The following ZMAT4 variants were observed in gnomAD, a reference collection of about 807,000 sequenced individuals.
ZMAT4 encodes the protein zinc finger matrin-type 4, also known as zinc finger matrin-type protein 4.
A neutral mutation model predicts 28.7 loss-of-function variants in ZMAT4; 17 were observed. The observed-to-expected ratio is 0.59, with a 90% CI of 0.41 to 0.89. The LOEUF (loss-of-function observed/expected upper bound fraction) is 0.89. Ranked by LOEUF, ZMAT4 falls within the 40% of genes least tolerant of loss-of-function variation. The pLI is 0.00. For synonymous variants in ZMAT4, 117 were observed against 109.2 expected, an observed-to-expected ratio of 1.07 and a Z score of -0.44; for missense variants, 240 against 283.8, an observed-to-expected ratio of 0.85 and a Z score of 1.11.
At position 40,801,857 on chromosome 8, in the gene ZMAT4, A is replaced by T. The variant is rs552198545; in HGVS notation, c.102+23718T>A. The stretch of plus-strand genomic sequence containing the variant: ...AAAATATTAGCAAATTAAATCCAAC[A>T]ATGTACAAAATAAAGGATACACCAC... On this transcript the variant is annotated intron_variant, in intron 2 of 6. Transcript: ENST00000297737. 3.3e-5 allele frequency among the ~76,000 whole-genome samples: 5 copies of T among 152,300 alleles called. No homozygotes were observed. The South Asian group carries it at 1.0e-3, about 32-fold the overall frequency.
intron 5 of ZMAT4, among the ~76,000 whole-genome samples, chr8:40,631,430 TTACAAACGTGAGCCACCGCACCAGGC>T (rs1378179944): frequency 1.3e-5 from 2 of 152,176 alleles, no homozygotes; most frequent in African/African-American, 4.8e-5. Context: ...GGTGCTGGGA[TTACAAACGTGAGCCACCGCACCAGGC>T]CAGAATTATC....
chr8:40,553,239 C>T (rs1374421298), intron 6 of ZMAT4, among the ~76,000 whole-genome samples: 1 of 152,160 alleles, frequency 6.6e-6, no homozygotes, highest in Non-Finnish European at 1.5e-5. Context: ...CCACTCAAAC[C>T]TTCAGATGAC....
chr8:40,636,463 C>CA (rs1806795374), intron 5 of ZMAT4, among the ~76,000 whole-genome samples: 1 of 152,200 alleles, frequency 6.6e-6, no homozygotes, highest in African/African-American at 2.4e-5. Flanking sequence ...ATAGCCTTTA[C>CA]AGTGGAGTTT....
intron 6 of ZMAT4, among the ~76,000 whole-genome samples, chr8:40,547,688 A>G (rs1287716386): frequency 1.3e-5 from 2 of 152,146 alleles, no homozygotes; most frequent in African/African-American, 4.8e-5. Flanking sequence ...TTGTTACCTT[A>G]CACATGCCAC....
chr8:40,540,114 G>A (rs1802980803), intron 6 of ZMAT4, among the ~76,000 whole-genome samples: 1 of 152,206 alleles, frequency 6.6e-6, no homozygotes. Flanking sequence ...AGGGAGTATT[G>A]TGTCTTGATA....
intron 5 of ZMAT4, among the ~76,000 whole-genome samples, chr8:40,659,258 G>A (rs553435829): frequency 1.4e-4 from 21 of 152,186 alleles, no homozygotes; most frequent in Middle Eastern, 3.4e-3. Flanking sequence ...ATTATGAAAC[G>A]GAAACGAGAT....
intron 3 of ZMAT4, among the ~76,000 whole-genome samples, chr8:40,730,833 T>C (rs1811505844): frequency 6.6e-6 from 1 of 152,190 alleles, no homozygotes; most frequent in African/African-American, 2.4e-5. Context: ...GGACTCTATC[T>C]AATGTAACTG....
At chr8:40,874,626 T>A (rs569827914) in intron 1 of ZMAT4, among the ~76,000 whole-genome samples, 4 of 152,236 alleles carry the variant, frequency 2.6e-5, no homozygotes, top group Admixed American at 1.3e-4. Flanking sequence ...TTCTGCTTTA[T>A]ACTTAGAATG....
intron 2 of ZMAT4, among the ~76,000 whole-genome samples, chr8:40,771,212 T>A (rs531812930): frequency 6.6e-6 from 1 of 151,020 alleles, no homozygotes; most frequent in African/African-American, 2.4e-5. Flanking sequence ...ATATTATATA[T>A]ATACATATAT....
intron 4 of ZMAT4, among the ~76,000 whole-genome samples, chr8:40,680,289 A>G (rs1439874934): frequency 2.0e-5 from 3 of 152,112 alleles, no homozygotes; most frequent in African/African-American, 7.2e-5. Context: ...TATGGCCCCA[A>G]CCATCCTAGC....
At chr8:40,715,344 C>T (rs1351737448) in intron 3 of ZMAT4, among the ~76,000 whole-genome samples, 1 of 151,990 alleles carries the variant, frequency 6.6e-6, no homozygotes, top group Non-Finnish European at 1.5e-5. Flanking sequence ...ATAGCTGGTA[C>T]CCAGAGTGAG....
chr8:40,724,482 A>G (rs1455902377), intron 3 of ZMAT4, among the ~76,000 whole-genome samples: 3 of 152,232 alleles, frequency 2.0e-5, no homozygotes, highest in Non-Finnish European at 2.9e-5. Context: ...TGAAGATGAC[A>G]TCTAGCTTTT....
intron 2 of ZMAT4, among the ~76,000 whole-genome samples, chr8:40,782,359 C>T (rs1214802908): frequency 1.3e-5 from 2 of 151,992 alleles, no homozygotes; most frequent in Non-Finnish European, 2.9e-5. Flanking sequence ...GCATTCCAGC[C>T]TGGTGATAGA....
chr8:40,808,473 G>A lies in ZMAT4; in HGVS notation c.102+17102C>T, dbSNP rs77361122. 2,694 of 433,810 alleles carry A rather than the reference G, an allele frequency of 6.2e-3. 56 individuals are homozygous for A. The highest frequency in any genetic ancestry group is 0.047 in the African/African-American group (2,295 of 48,560). The allele number at this position is 433,810 out of a possible 1,614,324, so 26.9% of individuals were successfully genotyped here. ...CAATAAATGTTAACATCTTTCTAAC[G>A]GTTGACAATGCAGTAGTATAAAGCT... On this transcript the variant is annotated intron_variant, in intron 2 of 6. Transcript: ENST00000297737.
chr8:40,891,186 GGGAGAGGAGAGGAGAGGAGA>G (rs1191699611), intron 1 of ZMAT4, among the ~76,000 whole-genome samples: 2 of 44,642 alleles, frequency 4.5e-5, no homozygotes, highest in Non-Finnish European at 9.3e-5. Flanking sequence ...CAACAGAGTG[GGGAGAGGAGAGGAGAGGAGA>G]GGAGAGGAGA....
At chr8:40,836,141 GA>G (rs1816481449) in intron 1 of ZMAT4, among the ~76,000 whole-genome samples, 1 of 152,152 alleles carries the variant, frequency 6.6e-6, no homozygotes, top group Admixed American at 6.5e-5. Context: ...CCTACTTTGG[GA>G]TGCAGTAAGA....
intron 6 of ZMAT4, among the ~76,000 whole-genome samples, chr8:40,556,783 A>C (rs1470037712): frequency 6.6e-6 from 1 of 152,174 alleles, no homozygotes; most frequent in East Asian, 1.9e-4. Flanking sequence ...ATCAGGTCAG[A>C]GTACTTGGGA....
At chr8:40,857,539 G>T (rs1349236485) in intron 1 of ZMAT4, among the ~76,000 whole-genome samples, 3 of 152,158 alleles carry the variant, frequency 2.0e-5, no homozygotes, top group Non-Finnish European at 4.4e-5. Context: ...CTGGGGAGGA[G>T]GCAGAGTCCC....
chr8:40,779,273 C>T (rs1449646055), intron 2 of ZMAT4, among the ~76,000 whole-genome samples: 1 of 152,058 alleles, frequency 6.6e-6, no homozygotes, highest in East Asian at 1.9e-4. Flanking sequence ...GCGAGGCCTC[C>T]CCAACCACGT....
Sources: gnomAD v4.1 joint callset for allele counts (sites outside exome capture counted in the v4.1 genomes callset) on GRCh38, gnomAD v4.1.1 for gene constraint, MANE v1.5 for transcripts, NCBI Gene and HGNC (gene_info 2026-07-23, HGNC 2026-07-21) for gene names.